The following FBLN7 variants were observed in gnomAD, a reference collection of about 807,000 sequenced individuals.
FBLN7 encodes fibulin-7.
FBLN7 carries 31 observed loss-of-function variants against 44.0 expected under a neutral mutation model. The observed-to-expected ratio is 0.70, with a 90% confidence interval of 0.53 to 0.95. The LOEUF (loss-of-function observed/expected upper bound fraction) is 0.95, where lower values mean the gene tolerates loss of function less well. FBLN7 is among the 40% of genes least tolerant of loss of function. The pLI is 0.00. For synonymous variants in FBLN7, 262 were observed against 253.4 expected (o/e 1.03, Z -0.32); for missense variants, 573 against 618.5 (o/e 0.93, Z 0.78).
At chr2:112,171,486 C>G (rs1682456307) in intron 3 of FBLN7, among the ~76,000 whole-genome samples, 1 of 151,886 alleles carries the variant, frequency 6.6e-6, no homozygotes, top group East Asian at 1.9e-4. Context: ...TATCATGAGG[C>G]CTTTCCCCCG....
At chr2:112,148,756 C>CATGGTGGTTGTGGTGGTGGTG (rs1681003847) in intron 1 of FBLN7, among the ~76,000 whole-genome samples, 1 of 152,172 alleles carries the variant, frequency 6.6e-6, no homozygotes, top group East Asian at 1.9e-4. Flanking sequence ...GGGCTTTTCT[C>CATGGTGGTTGTGGTGGTGGTG]ATGGTGGTTG....
the FBLN7 span, among the ~76,000 whole-genome samples, chr2:112,204,695 A>G: frequency 0.036 from 5,412 of 152,236 alleles, 137 homozygotes; most frequent in Non-Finnish European, 0.047. Context: ...CAAGAATTCG[A>G]TATCAGCCAA....
At chr2:112,141,479 A>C (rs968321495) in intron 1 of FBLN7, among the ~76,000 whole-genome samples, 2 of 152,138 alleles carry the variant, frequency 1.3e-5, no homozygotes, top group African/African-American at 4.8e-5. Flanking sequence ...CTCAGACGAG[A>C]CGTGGTGATG....
At chr2:112,219,291 T>C in the FBLN7 span, among the ~76,000 whole-genome samples, 60 of 152,248 alleles carry the variant, frequency 3.9e-4, no homozygotes, top group African/African-American at 1.3e-3. Flanking sequence ...CTCACGTCTA[T>C]GGTAAATAAT....
At chr2:112,196,466 C>A in the FBLN7 span, among the ~76,000 whole-genome samples, 1 of 140,996 alleles carries the variant, frequency 7.1e-6, no homozygotes, top group African/African-American at 2.6e-5. Flanking sequence ...AGTGCAGTGG[C>A]ATGTTCTCAT....
chr2:112,170,775 G>A (rs1028709605), intron 3 of FBLN7, among the ~76,000 whole-genome samples: 1 of 152,234 alleles, frequency 6.6e-6, no homozygotes, highest in Non-Finnish European at 1.5e-5. Context: ...GACAAGTGTC[G>A]CTGCTGCATA....
chr2:112,145,663 T>C (rs1680869331), intron 1 of FBLN7, among the ~76,000 whole-genome samples: 2 of 152,294 alleles, frequency 1.3e-5, no homozygotes, highest in South Asian at 4.1e-4. Flanking sequence ...TCTTCTAAAA[T>C]TTTTATAGTT....
chr2:112,160,128 C>T (rs112706833), intron 2 of FBLN7, among the ~76,000 whole-genome samples: 2 of 152,142 alleles, frequency 1.3e-5, no homozygotes, highest in South Asian at 2.1e-4. Flanking sequence ...GTAGCTGGGA[C>T]TACAGGCGCC....
At chr2:112,189,007 G>A (rs1683394872), downstream of FBLN7, 1 of 152,274 alleles carries the variant, frequency 6.6e-6, no homozygotes. Flanking sequence ...GAGTCTAAGG[G>A]CCTGGCCAGG....
At chr2:112,167,619 G>A (rs183813555) in intron 3 of FBLN7, among the ~76,000 whole-genome samples, 1 of 152,174 alleles carries the variant, frequency 6.6e-6, no homozygotes, top group Non-Finnish European at 1.5e-5. Flanking sequence ...TCAAAAGACC[G>A]ATCCAGTCGG....
chr2:112,233,920 C>T, the FBLN7 span, among the ~76,000 whole-genome samples: 1 of 152,214 alleles, frequency 6.6e-6, no homozygotes, highest in African/African-American at 2.4e-5. Flanking sequence ...AGGTGATCCA[C>T]CCACGTCGGC....
At chr2:112,184,674 C>T (rs905605791) in intron 6 of FBLN7, among the ~76,000 whole-genome samples, 11 of 39,138 alleles carry the variant, frequency 2.8e-4, no homozygotes. Context: ...TATATATATG[C>T]TGTATATGGT....
chr2:112,149,314 G>A (rs150646454), intron 1 of FBLN7, among the ~76,000 whole-genome samples: 343 of 152,334 alleles, frequency 2.3e-3, no homozygotes, highest in African/African-American at 7.8e-3. Flanking sequence ...TGGCCAGCCA[G>A]TTCAGTGGTT....
the FBLN7 span, chr2:112,238,608 G>C: frequency 1.7e-6 from 2 of 1,176,554 alleles, no homozygotes; most frequent in Admixed American, 2.4e-5. Flanking sequence ...AACAAGATTG[G>C]CTATAAACTG....
the FBLN7 span, among the ~76,000 whole-genome samples, chr2:112,205,486 AACCC>A: frequency 6.6e-6 from 1 of 152,130 alleles, no homozygotes; most frequent in African/African-American, 2.4e-5. Context: ...ATGTTCAAGT[AACCC>A]ACAGGAAAGC....
chr2:112,224,413 T>C, the FBLN7 span, among the ~76,000 whole-genome samples: 1 of 152,224 alleles, frequency 6.6e-6, no homozygotes, highest in Non-Finnish European at 1.5e-5. Flanking sequence ...TTTCATTAAC[T>C]TGACAGAGTT....
the FBLN7 span, among the ~76,000 whole-genome samples, chr2:112,234,399 G>A: frequency 1.3e-5 from 2 of 152,288 alleles, no homozygotes. Context: ...GGTTAAAAAT[G>A]AATGTTTTGT....
the FBLN7 span, among the ~76,000 whole-genome samples, chr2:112,200,811 G>A: frequency 6.6e-5 from 10 of 152,108 alleles, no homozygotes; most frequent in African/African-American, 1.4e-4. Context: ...GATTACAGGC[G>A]TTACAGGTGT....
At chr2:112,163,680 A>G (rs1293983384) in intron 2 of FBLN7, among the ~76,000 whole-genome samples, 2 of 152,152 alleles carry the variant, frequency 1.3e-5, no homozygotes, top group African/African-American at 4.8e-5. Context: ...TTCCTCTTGT[A>G]CGGGCACTTC....
Sources: gnomAD v4.1 joint callset for allele counts (sites outside exome capture counted in the v4.1 genomes callset) on GRCh38, gnomAD v4.1.1 for gene constraint, MANE v1.5 for transcripts, NCBI Gene and HGNC (gene_info 2026-07-23, HGNC 2026-07-21) for gene names.